LYPD8: variants seen among roughly 807,000 people sequenced by gnomAD.
The protein encoded by LYPD8 is ly6/PLAUR domain-containing protein 8.
A neutral mutation model predicts 1.7 loss-of-function variants in LYPD8; 8 were observed. The ratio of observed to expected loss-of-function variants is 4.58; its 90% CI spans 2.69 to 8.27. The LOEUF is 8.27. LYPD8 is among the 30% of genes most tolerant of loss of function. LYPD8 has a pLI of 0.00. For synonymous variants in LYPD8, 50 were observed against 43.6 expected, an observed-to-expected ratio of 1.15 and a Z score of -0.58; for missense variants, 112 against 102.3, an observed-to-expected ratio of 1.09 and a Z score of -0.41.
At chr1:248,753,008 AT>A (rs1662843698) in intron 2 of LYPD8, among the ~76,000 whole-genome samples, 1 of 85,638 alleles carries the variant, frequency 1.2e-5, no homozygotes. Flanking sequence ...AACACACCAC[AT>A]CATACACACA....
chr1:248,741,563 T>C, intron 6 of LYPD8, among the ~76,000 whole-genome samples: 1 of 152,156 alleles, frequency 6.6e-6, no homozygotes, highest in East Asian at 1.9e-4. Context: ...ATTTCTACTG[T>C]ATTAAAAAAA....
At chr1:248,750,115 A>T (rs1320199086) in intron 4 of LYPD8, among the ~76,000 whole-genome samples, 1 of 152,206 alleles carries the variant, frequency 6.6e-6, no homozygotes, top group Non-Finnish European at 1.5e-5. Flanking sequence ...GTAGTTACTC[A>T]AAACGCCCTG....
chr1:248,743,023 C>T (rs1214671445), intron 6 of LYPD8, among the ~76,000 whole-genome samples: 5 of 67,320 alleles, frequency 7.4e-5, no homozygotes, highest in Non-Finnish European at 1.4e-4. Context: ...TGTTGGCAGC[C>T]GGGGGAGGTT....
At position 248,739,588 on chromosome 1, in the gene LYPD8, G is replaced by T; in HGVS notation, c.*23C>A. ...CTCAGAGAAGCAGAAATGGGGTGCT[G>T]GGCAAAGTGCAGCCCCAGGACCTCA... On this transcript the variant is annotated 3_prime_UTR_variant, in exon 7 of 7. Coordinates refer to ENST00000590317, the MANE Select transcript of LYPD8 (RefSeq NM_001085474.2). This position sits in a 1 kb window ranked among gnomAD's most constrained non-coding sequence, Gnocchi z 4.3. The T allele has an allele frequency of 1.3e-6, 2 of 1,550,500 alleles. No individual in the cohort carries two copies.
At position 248,745,277 on chromosome 1, in the gene LYPD8, G is replaced by T; in HGVS notation, c.340C>A (p.Pro114Thr). 2.5e-6 allele frequency: 1 copy of T among 398,498 alleles called. No individual in the cohort carries two copies. The highest frequency in any genetic ancestry group is 4.4e-6 in the Non-Finnish European group (1 of 226,044). The allele number at this position is 398,498 out of a possible 1,614,324, so 24.7% of individuals were successfully genotyped here. A position where few individuals can be genotyped will look rare whatever the true frequency, so the allele number is the denominator to read the frequency against. ...ECSNTSDALDPPLKNVSSNAE... is the reference protein window; with the variant it reads ...ECSNTSDALDTPLKNVSSNAE... ...TTGCTGGACACGTTCTTCAGGGGAG[G>T]GTCTGGAAGAGTCAGAGTCATTACT... The change falls in exon 6 of 7, where the codon CCT (proline) becomes ACT (threonine). Residue 114 changes from proline (P) to threonine (T), a missense_variant and splice_region_variant. By Grantham distance (38) the Pro-to-Thr change is conservative. Coordinates refer to ENST00000590317, the MANE Select transcript of LYPD8 (RefSeq NM_001085474.2).
At chr1:248,752,908 C>CACATCACACACACCCCACATCACA (rs1662839312) in intron 2 of LYPD8, among the ~76,000 whole-genome samples, 8 of 97,414 alleles carry the variant, frequency 8.2e-5, no homozygotes, top group Non-Finnish European at 1.6e-4. Flanking sequence ...CACACACACC[C>CACATCACACACACCCCACATCACA]CACACACCAA....
chr1:248,752,956 CAA>C, intron 2 of LYPD8, among the ~76,000 whole-genome samples: 4 of 130,258 alleles, frequency 3.1e-5, no homozygotes, highest in Non-Finnish European at 4.8e-5. Context: ...ACACACACAC[CAA>C]ACACCCCACA....
At chr1:248,752,849 ACACCACACC>A (rs1662835535) in intron 2 of LYPD8, among the ~76,000 whole-genome samples, 2 of 102,112 alleles carry the variant, frequency 2.0e-5, no homozygotes, top group Non-Finnish European at 3.8e-5. Context: ...CCACACACAC[ACACCACACC>A]ACACACACAC....
intron 2 of LYPD8, among the ~76,000 whole-genome samples, chr1:248,752,062 A>G (rs1003494431): frequency 1.3e-5 from 2 of 152,218 alleles, no homozygotes; most frequent in Admixed American, 1.3e-4. Context: ...CTTAATCATT[A>G]TCTCATTTAC....
chr1:248,744,725 G>A (rs1662701303), intron 6 of LYPD8, among the ~76,000 whole-genome samples: 1 of 152,224 alleles, frequency 6.6e-6, no homozygotes, highest in Non-Finnish European at 1.5e-5. Flanking sequence ...CTTTCTGCCA[G>A]GTGATCCAAG....
At chr1:248,752,771 CACACA>C (rs1662828468) in intron 2 of LYPD8, among the ~76,000 whole-genome samples, 1 of 115,388 alleles carries the variant, frequency 8.7e-6, no homozygotes, top group African/African-American at 3.4e-5. Context: ...CCACACACCC[CACACA>C]ACACACACCA....
intron 2 of LYPD8, among the ~76,000 whole-genome samples, chr1:248,753,535 C>A (rs1288976997): frequency 7.8e-5 from 10 of 128,500 alleles, no homozygotes; most frequent in Non-Finnish European, 1.6e-5. Context: ...CCACACAACA[C>A]ACCACATCAC....
At chr1:248,752,651 AACAC>A (rs1387037198) in intron 2 of LYPD8, among the ~76,000 whole-genome samples, 1 of 99,928 alleles carries the variant, frequency 1.0e-5, no homozygotes, top group Non-Finnish European at 1.9e-5. Context: ...CACAACACAC[AACAC>A]ACACCACACA....
At chr1:248,752,784 C>A (rs1449657087) in intron 2 of LYPD8, among the ~76,000 whole-genome samples, 18 of 104,024 alleles carry the variant, frequency 1.7e-4, no homozygotes, top group African/African-American at 5.0e-4. Flanking sequence ...ACAACACACA[C>A]CACACACACA....
In LYPD8 at chr1:248,742,647, T is replaced by C. The variant is rs553906038; in HGVS notation, c.475+2495A>G. 3.4e-4 allele frequency among the ~76,000 whole-genome samples: 23 copies of C among 68,450 alleles called. 1 individual carries two copies. The East Asian group carries it at 5.6e-3, about 17-fold the overall frequency. 44.9% of individuals were successfully genotyped at this position (68,450 alleles called of 152,430 possible). On this transcript the variant is annotated intron_variant, in intron 6 of 6. Transcript: ENST00000590317. Reference sequence around the variant, plus strand: ...GGGATGTTGGCAGCGGGGGAGATTATGCTCTGGTGGGGATGTTGGCAGCCG... The same window carrying C: ...GGGATGTTGGCAGCGGGGGAGATTACGCTCTGGTGGGGATGTTGGCAGCCG...
At chr1:248,745,028 C>A (rs939360149) in intron 6 of LYPD8, 114 bp downstream of exon 6, 1 of 393,898 alleles carries the variant, frequency 2.5e-6, no homozygotes, top group Non-Finnish European at 4.5e-6. Flanking sequence ...TGGCCCTTAT[C>A]CCCCTTGTCC....
At chr1:248,740,511 C>G (rs1481023726) in intron 6 of LYPD8, among the ~76,000 whole-genome samples, 1 of 152,266 alleles carries the variant, frequency 6.6e-6, no homozygotes, top group South Asian at 2.1e-4. Flanking sequence ...TGAGCACTTA[C>G]TGTGAGCCCC....
At chr1:248,750,990 G>A (rs1662792419) in intron 3 of LYPD8, 40 bp downstream of exon 3, 1 of 398,466 alleles carries the variant, frequency 2.5e-6, no homozygotes, top group South Asian at 1.3e-4. Flanking sequence ...GTGGAAAAGG[G>A]GGTCTCCATT....
chr1:248,742,971 T>G (rs1572152987), intron 6 of LYPD8, among the ~76,000 whole-genome samples: 4 of 50,758 alleles, frequency 7.9e-5, no homozygotes, highest in Admixed American at 3.1e-4. Flanking sequence ...TATGCTCTGG[T>G]GGGGATGTTG....
Sources: gnomAD v4.1 joint callset for allele counts (sites outside exome capture counted in the v4.1 genomes callset) on GRCh38, gnomAD v4.1.1 for gene constraint, Gnocchi (gnomAD v3.1) non-coding constraint, MANE v1.5 for transcripts, NCBI Gene and HGNC (gene_info 2026-07-23, HGNC 2026-07-21) for gene names.